The following DNAJC16 variants were observed in gnomAD, a reference collection of about 807,000 sequenced individuals.
DNAJC16 encodes DnaJ heat shock protein family (Hsp40) member C16.
DNAJC16 carries 76 observed loss-of-function variants against 92.7 expected under a neutral mutation model. The ratio of observed to expected loss-of-function variants is 0.82; its 90% CI spans 0.68 to 0.99. The LOEUF is 0.99. DNAJC16 is among the 50% of genes least tolerant of loss of function. DNAJC16 has a pLI of 0.00. For missense variants in DNAJC16, 869 were observed against 942.4 expected, an observed-to-expected ratio of 0.92 and a Z score of 1.02; for synonymous variants, 328 against 358.7, an observed-to-expected ratio of 0.91 and a Z score of 0.97.
At chr1:15,536,887 G>T (rs1710803890) in intron 4 of DNAJC16, 73 bp downstream of exon 4, 1 of 1,343,094 alleles carries the variant, frequency 7.4e-7, no homozygotes, top group Non-Finnish European at 1.0e-6. Context: ...GTCTTGCTCT[G>T]TTGCCCAGGC....
At chr1:15,564,860 A>AG (rs1211651155) in intron 11 of DNAJC16, among the ~76,000 whole-genome samples, 3 of 141,334 alleles carry the variant, frequency 2.1e-5, no homozygotes, top group African/African-American at 8.0e-5. Context: ...TTTGAGACAG[A>AG]GTCTCACTCT....
Position 15,570,032 on chromosome 1 carries a change from GTAAT to G in DNAJC16, c.*1856_*1859del, listed in dbSNP as rs1638915589. 1.3e-5 allele frequency: 2 copies of G among 152,592 alleles called. No homozygotes were observed. The highest frequency in any genetic ancestry group is 2.9e-5 in the Non-Finnish European group (2 of 68,036). 9.5% of individuals were successfully genotyped at this position (152,592 alleles called of 1,614,324 possible). On this transcript the variant is annotated 3_prime_UTR_variant, in exon 15 of 15. Coordinates refer to ENST00000375847, the MANE Select transcript of DNAJC16 (RefSeq NM_015291.4). The stretch of plus-strand genomic sequence containing the variant: ...TTTAAATCTTGAGCTACATTGGTAA[GTAAT>G]AAATTATTTAAGGCCAGGAATTCCT...
chr1:15,564,164 A>C, intron 10 of DNAJC16, 53 bp downstream of exon 10: 1 of 1,604,434 alleles, frequency 6.2e-7, no homozygotes, highest in Non-Finnish European at 8.5e-7. Flanking sequence ...GTGAGTACAC[A>C]GTGCTGGTGG....
chr1:15,530,519 C>G (rs1710629887), intron 2 of DNAJC16, among the ~76,000 whole-genome samples: 1 of 152,162 alleles, frequency 6.6e-6, no homozygotes, highest in African/African-American at 2.4e-5. Flanking sequence ...GGGGGAGCAG[C>G]AGAAGGAGGA....
intron 11 of DNAJC16, among the ~76,000 whole-genome samples, chr1:15,564,671 G>T (rs1418055557): frequency 6.6e-6 from 1 of 151,580 alleles, no homozygotes; most frequent in East Asian, 1.9e-4. Context: ...TGGGATTACA[G>T]GCACCTGTCA....
intron 4 of DNAJC16, among the ~76,000 whole-genome samples, chr1:15,538,184 C>T (rs2145399): frequency 0.3 from 46,027 of 151,736 alleles, 7,398 homozygotes; most frequent in East Asian, 0.58. Context: ...ATCACAAGGT[C>T]AGGAGTTCGA....
At chr1:15,566,373 G>T (rs747590506) in intron 13 of DNAJC16, 193 bp downstream of exon 13, 4 of 563,904 alleles carry the variant, frequency 7.1e-6, no homozygotes, top group Non-Finnish European at 1.2e-5. Context: ...AGATGCCTTA[G>T]ATTTCATAAT....
chr1:15,558,738 G>T (rs1268361007), intron 7 of DNAJC16, among the ~76,000 whole-genome samples: 3 of 152,178 alleles, frequency 2.0e-5, no homozygotes, highest in Non-Finnish European at 4.4e-5. Context: ...TGCTGTCAAT[G>T]ATTTCAATCC....
chr1:15,536,855 A>C (rs781683186), intron 4 of DNAJC16, 41 bp downstream of exon 4: 2 of 1,520,794 alleles, frequency 1.3e-6, no homozygotes, highest in Non-Finnish European at 1.8e-6. Flanking sequence ...TATATAGATG[A>C]CTTTTTTTTT....
intron 7 of DNAJC16, among the ~76,000 whole-genome samples, chr1:15,553,840 GT>G (rs1203404485): frequency 6.6e-6 from 1 of 152,018 alleles, no homozygotes; most frequent in East Asian, 1.9e-4. Flanking sequence ...CTTGTATCTG[GT>G]TTCTCTCAGC....
At chr1:15,541,844 C>A (rs1468016278) in intron 4 of DNAJC16, among the ~76,000 whole-genome samples, 1 of 152,144 alleles carries the variant, frequency 6.6e-6, no homozygotes, top group Non-Finnish European at 1.5e-5. Context: ...GTTCCTGGCA[C>A]AGATCTCCTA....
At chr1:15,535,469 G>A (rs1049177958) in intron 3 of DNAJC16, among the ~76,000 whole-genome samples, 4 of 152,200 alleles carry the variant, frequency 2.6e-5, no homozygotes, top group Non-Finnish European at 5.9e-5. Context: ...CTAATCGGCT[G>A]GACCCAGTGG....
rs140056132 is a variant in DNAJC16 at position 15,538,078 on chromosome 1, A to G, written c.574+1264A>G. ...AGGCAGTGATTACCTGGGTTTGGCA[A>G]TTTATTCACCATGACTTCCTGTTTA... On this transcript the variant is annotated intron_variant, in intron 4 of 14. Coordinates refer to ENST00000375847, the MANE Select transcript of DNAJC16 (RefSeq NM_015291.4). Among the ~76,000 whole-genome samples the G allele has an allele frequency of 3.3e-5, 5 of 152,250 alleles. No homozygotes were observed. In the East Asian group the frequency reaches 7.7e-4, roughly 24 times the overall value.
At chr1:15,528,412 C>T (rs1449712993) in intron 1 of DNAJC16, among the ~76,000 whole-genome samples, 4 of 149,236 alleles carry the variant, frequency 2.7e-5, no homozygotes, top group Admixed American at 1.3e-4. Flanking sequence ...CCAGCCTGGG[C>T]AACGAGTGAA....
Position 15,544,431 on chromosome 1 carries a change from G to C in DNAJC16, c.607G>C (p.Glu203Gln), listed in dbSNP as rs1638238917. 1 of 1,613,966 alleles carries C rather than the reference G, an allele frequency of 6.2e-7. No homozygotes were observed. The highest frequency in any genetic ancestry group is 1.1e-5 in the South Asian group (1 of 91,048). Residue 203 changes from glutamate to glutamine, a missense_variant, in exon 5 of 15, where the codon GAG becomes CAG. Transcript: ENST00000375847. ...AATTGGCGTGGTCCATGCTGGGTATGAGAGACGCCTGGCCCATCACCTAGG... is the reference window on the plus strand; with the variant it reads ...AATTGGCGTGGTCCATGCTGGGTATCAGAGACGCCTGGCCCATCACCTAGG... The part of the protein sequence containing the change: ...VGIGVVHAGY[E>Q]RRLAHHLGAH...
chr1:15,564,261 C>A, intron 10 of DNAJC16, 22 bp from the exon 11 acceptor site: 1 of 1,566,872 alleles, frequency 6.4e-7, no homozygotes, highest in Non-Finnish European at 8.8e-7. Context: ...TCCTGACCAT[C>A]ATCCATTTTC....
intron 2 of DNAJC16, among the ~76,000 whole-genome samples, chr1:15,529,544 C>G (rs1050441525): frequency 1.3e-5 from 2 of 152,040 alleles, no homozygotes; most frequent in African/African-American, 4.8e-5. Flanking sequence ...GTTAAAGTAA[C>G]AAGTTTTAAT....
intron 7 of DNAJC16, among the ~76,000 whole-genome samples, chr1:15,556,044 A>G (rs978688286): frequency 1.5e-4 from 23 of 150,100 alleles, no homozygotes; most frequent in Non-Finnish European, 2.5e-4. Flanking sequence ...GGCTCACCCT[A>G]GCACTTTTGG....
At position 15,564,338 on chromosome 1, in the gene DNAJC16, A is replaced by G; in HGVS notation, c.1577A>G (p.Asp526Gly). 6.2e-7 allele frequency: 1 copy of G among 1,609,466 alleles called. No individual in the cohort carries two copies. Among genetic ancestry groups the G allele is most frequent in the Non-Finnish European group, 8.5e-7 (1 of 1,175,722 alleles). The change falls in exon 11 of 15, where the codon GAT (aspartate) becomes GGT (glycine). Residue 526 changes from aspartate to glycine, a missense_variant. Transcript: ENST00000375847. ...SASDYISDCW[D>G]SIFHNNWREM... ...TCTGACTACATCTCAGACTGCTGGG[A>G]TAGCATTTTTCACAACAACTGGTAG...
Sources: gnomAD v4.1 joint callset for allele counts (sites outside exome capture counted in the v4.1 genomes callset) on GRCh38, gnomAD v4.1.1 for gene constraint, MANE v1.5 for transcripts, NCBI Gene and HGNC (gene_info 2026-07-23, HGNC 2026-07-21) for gene names.